The following G6PD variants were observed in gnomAD, a reference collection of about 807,000 sequenced individuals.
G6PD encodes glucose-6-phosphate dehydrogenase.
A neutral mutation model predicts 38.2 loss-of-function variants in G6PD; 2 were observed. The observed-to-expected ratio is 0.05, with a 90% CI of 0.02 to 0.16. G6PD has a LOEUF of 0.16. Among genes scored for constraint, G6PD ranks in the 10% least tolerant of loss-of-function variants. G6PD has a pLI of 1.00. For missense variants in G6PD, 310 were observed against 471.6 expected (o/e 0.66, Z 3.17); for synonymous variants, 188 against 196.0 (o/e 0.96, Z 0.34).
At position 154,534,073 on chromosome X, in the gene G6PD, C is replaced by T. The variant is rs782409179; in HGVS notation, c.732G>A (p.Glu244=). The change falls in exon 7 of 13, where the codon GAG becomes GAA. Residue 244 remains glutamate, a synonymous_variant. Coordinates refer to ENST00000393562, the MANE Select transcript of G6PD (RefSeq NM_001360016.2). The part of the protein sequence containing the change: ...ILTFKEPFGT[E]GRGGYFDEFG... ...ATTCATCGAAATAGCCCCCGCGACC[C>T]TCAGTGCCAAAGGGCTCCTTGAAGG... The T allele has an allele frequency of 5.0e-6, 6 of 1,212,011 alleles. No homozygotes were observed. Among genetic ancestry groups the T allele is most frequent in the African/African-American group, 1.7e-5 (1 of 57,849 alleles).
At chrX:154,547,150 C>T (rs1455430302), upstream of G6PD, 1 of 167,316 alleles carries the variant, frequency 6.0e-6, no homozygotes, top group Non-Finnish European at 1.0e-5. Context: ...CGGCCCGGCC[C>T]CGCCCCTACT....
intron 2 of G6PD, chrX:154,542,275 G>A (rs781995807): frequency 8.7e-7 from 1 of 1,142,904 alleles, no homozygotes; most frequent in Admixed American, 2.6e-5. Context: ...TGGCCCTTGT[G>A]ATCCAGGTGG....
At chrX:154,536,767 T>A (rs922943758) in intron 2 of G6PD, among the ~76,000 whole-genome samples, 1 of 110,854 alleles carries the variant, frequency 9.0e-6, no homozygotes, top group Non-Finnish European at 1.9e-5. Flanking sequence ...GAGGCAGAGG[T>A]TGCAGTGAGC....
chrX:154,533,822 G>A (rs2070372382), intron 7 of G6PD, 153 bp from the exon 8 acceptor site: 6 of 1,179,914 alleles, frequency 5.1e-6, no homozygotes, highest in African/African-American at 3.5e-5. Flanking sequence ...AATCAAGGAA[G>A]GACATGGTGA....
At chrX:154,541,300 T>C (rs1219108966) in intron 2 of G6PD, 1 of 111,548 alleles carries the variant, frequency 9.0e-6, no homozygotes, top group Non-Finnish European at 1.9e-5. Flanking sequence ...TGGGATTAAC[T>C]AGAGATTGAA....
intron 9 of G6PD, 35 bp from the exon 10 acceptor site, chrX:154,532,837 C>A (rs2070356722): frequency 8.3e-7 from 1 of 1,205,729 alleles, no homozygotes; most frequent in East Asian, 3.0e-5. Context: ...AGCACCAGCT[C>A]TCTCAGGGTG....
intron 2 of G6PD, among the ~76,000 whole-genome samples, chrX:154,544,154 C>T (rs2070614943): frequency 1.8e-5 from 2 of 108,675 alleles, no homozygotes; most frequent in South Asian, 8.1e-4. Context: ...AGCCACTGCG[C>T]CCGGCCTTTT....
chrX:154,542,338 C>T, intron 2 of G6PD: 1 of 1,198,470 alleles, frequency 8.3e-7, no homozygotes, highest in East Asian at 3.0e-5. Flanking sequence ...ATCCCAGTCT[C>T]TTCCCCTCAC....
chrX:154,533,945 A>G, intron 7 of G6PD, 90 bp downstream of exon 7: 2 of 1,200,828 alleles, frequency 1.7e-6, no homozygotes, highest in Non-Finnish European at 2.3e-6. Context: ...GGTGAGGAGG[A>G]GCTCCCCCAA....
upstream of G6PD, chrX:154,547,512 T>G: frequency 1.3e-6 from 1 of 754,550 alleles, no homozygotes; most frequent in Non-Finnish European, 1.6e-6. Flanking sequence ...CAGACTTCTC[T>G]CCGGAGCGGG....
At chrX:154,543,621 T>C (rs1316246754) in intron 2 of G6PD, among the ~76,000 whole-genome samples, 1 of 111,958 alleles carries the variant, frequency 8.9e-6, no homozygotes, top group Non-Finnish European at 1.9e-5. Context: ...CCAGTCTGCT[T>C]CTTGGACTAA....
chrX:154,536,087 G>A (rs371970814), intron 3 of G6PD, 42 bp from the exon 4 acceptor site: 7 of 1,205,979 alleles, frequency 5.8e-6, no homozygotes, highest in Non-Finnish European at 7.9e-6. Flanking sequence ...GGCAGGGCAG[G>A]ACCAGGCCTG....
At chrX:154,539,634 T>C (rs1557231408) in intron 2 of G6PD, among the ~76,000 whole-genome samples, 1 of 111,428 alleles carries the variant, frequency 9.0e-6, no homozygotes, top group Non-Finnish European at 1.9e-5. Flanking sequence ...ATTCTGTTTC[T>C]TGATCTAGGA....
At chrX:154,546,407 T>C (rs189531113) in intron 1 of G6PD, among the ~76,000 whole-genome samples, 13 of 112,162 alleles carry the variant, frequency 1.2e-4, no homozygotes, top group African/African-American at 4.2e-4. Flanking sequence ...ACTCAAAGCA[T>C]TGGTGTATTC....
intron 2 of G6PD, among the ~76,000 whole-genome samples, chrX:154,540,190 G>T (rs188793683): frequency 7.4e-5 from 8 of 108,039 alleles, no homozygotes; most frequent in Admixed American, 6.9e-4. Flanking sequence ...AAAAATACAG[G>T]CCAGGCGCGG....
intron 2 of G6PD, chrX:154,542,526 T>G: frequency 9.2e-7 from 1 of 1,090,752 alleles, no homozygotes; most frequent in Non-Finnish European, 1.2e-6. Flanking sequence ...TTGGTAACTC[T>G]GAGGTGCCAT....
intron 2 of G6PD, chrX:154,541,312 C>G (rs1276026242): frequency 9.0e-6 from 1 of 111,639 alleles, no homozygotes; most frequent in Admixed American, 9.5e-5. Flanking sequence ...GAGATTGAAC[C>G]GGCTCACCTT....
At chrX:154,539,160 G>A (rs1264985932) in intron 2 of G6PD, among the ~76,000 whole-genome samples, 4 of 111,561 alleles carry the variant, frequency 3.6e-5, no homozygotes, top group African/African-American at 9.8e-5. Flanking sequence ...TGACCTGGCC[G>A]TTCCACCCCA....
intron 2 of G6PD, among the ~76,000 whole-genome samples, chrX:154,545,401 G>T (rs1339307979): frequency 8.9e-6 from 1 of 111,964 alleles, no homozygotes; most frequent in Admixed American, 9.5e-5. Flanking sequence ...GAACTCATTT[G>T]TTAAGGCATG....
Sources: gnomAD v4.1 joint callset for allele counts (sites outside exome capture counted in the v4.1 genomes callset) on GRCh38, gnomAD v4.1.1 for gene constraint, MANE v1.5 for transcripts, NCBI Gene and HGNC (gene_info 2026-07-23, HGNC 2026-07-21) for gene names.